The following UGT1A7 variants were observed in gnomAD, a reference collection of about 807,000 sequenced individuals.
The protein encoded by UGT1A7 is UDP-glucuronosyltransferase 1A7.
Under a neutral mutation model 45.6 loss-of-function variants are expected in UGT1A7, and 33 were observed. The observed-to-expected ratio is 0.72, with a 90% CI of 0.55 to 0.97. UGT1A7 has a LOEUF of 0.97. Ranked by LOEUF, UGT1A7 falls within the 50% of genes least tolerant of loss-of-function variation. The probability of loss-of-function intolerance (pLI) is 0.00; values close to 1 mark genes in which losing one functional copy is unlikely to be tolerated. For synonymous variants in UGT1A7, 274 were observed against 250.6 expected (o/e 1.09, Z -0.88); for missense variants, 684 against 666.2 (o/e 1.03, Z -0.29).
chr2:233,682,815 C>T (rs1223109916), intron 1 of UGT1A7, 23 bp downstream of exon 1: 1 of 1,581,258 alleles, frequency 6.3e-7, no homozygotes, highest in Non-Finnish European at 8.6e-7. Flanking sequence ...CCCTTTAGCA[C>T]ATTAAGAATA....
At position 233,772,374 on chromosome 2, in the gene UGT1A7, C is replaced by T. The variant is rs773725816; in HGVS notation, c.1408C>T (p.His470Tyr). Reference protein sequence around the residue: ...EFVMRHKGAPHLRPAAHDLTW... With the variant: ...EFVMRHKGAPYLRPAAHDLTW... ...TGTGATGAGGCACAAGGGCGCGCCA[C>T]ACCTGCGCCCCGCAGCCCACGACCT... is the stretch of plus-strand genomic sequence containing the variant. The change falls in exon 5 of 5, where the codon CAC becomes TAC. Residue 470 changes from histidine (H) to tyrosine (Y), a missense_variant. Transcript: ENST00000373426. 1.2e-6 allele frequency: 2 copies of T among 1,614,266 alleles called. No individual in the cohort carries two copies. Among genetic ancestry groups the T allele is most frequent in the South Asian group, 2.2e-5 (2 of 91,082 alleles).
At chr2:233,724,944 C>G (rs1166254724) in intron 1 of UGT1A7, among the ~76,000 whole-genome samples, 4 of 144,592 alleles carry the variant, frequency 2.8e-5, no homozygotes, top group African/African-American at 1.1e-4. Context: ...CGTCTGCAAT[C>G]CCGGCACCTC....
At chr2:233,745,354 T>C (rs893608490) in intron 1 of UGT1A7, among the ~76,000 whole-genome samples, 4 of 151,848 alleles carry the variant, frequency 2.6e-5, no homozygotes, top group African/African-American at 9.7e-5. Flanking sequence ...TTTGGGGGAA[T>C]TTTTTTGAGA....
At chr2:233,739,922 C>T (rs28900073) in intron 1 of UGT1A7, among the ~76,000 whole-genome samples, 1 of 151,712 alleles carries the variant, frequency 6.6e-6, no homozygotes, top group Non-Finnish European at 1.5e-5. Flanking sequence ...TTTCCATAAT[C>T]CCCATGTGTT....
intron 1 of UGT1A7, among the ~76,000 whole-genome samples, chr2:233,765,730 T>TAATAATAAA (rs1427774434): frequency 6.7e-6 from 1 of 150,190 alleles, no homozygotes; most frequent in Non-Finnish European, 1.5e-5. Context: ...ATAATAATAA[T>TAATAATAAA]AAATAAACCC....
At chr2:233,719,184 T>C in intron 1 of UGT1A7, 1 of 1,614,254 alleles carries the variant, frequency 6.2e-7, no homozygotes, top group Non-Finnish European at 8.5e-7. Flanking sequence ...CAATGTATCT[T>C]TGGCCCTTCA....
intron 1 of UGT1A7, chr2:233,712,849 T>C: frequency 3.9e-6 from 6 of 1,533,168 alleles, no homozygotes; most frequent in Non-Finnish European, 5.3e-6. Flanking sequence ...TAACGGGTAA[T>C]AAGTAACTGG....
chr2:233,682,548 A>G lies in UGT1A7; in HGVS notation c.611A>G (p.Lys204Arg). ...LLGFSDAMTF[K>R]ERVWNHIMHL... ...GGGTTCTCAGACGCCATGACTTTCAAGGAGAGAGTATGGAACCACATCATG... is the reference window on the plus strand; with the variant it reads ...GGGTTCTCAGACGCCATGACTTTCAGGGAGAGAGTATGGAACCACATCATG... The change falls in exon 1 of 5, where the codon AAG (lysine) becomes AGG (arginine). Residue 204 changes from lysine (K) to arginine (R), a missense_variant. Transcript: ENST00000373426. 6.2e-7 allele frequency: 1 copy of G among 1,613,924 alleles called. No individual in the cohort carries two copies.
At chr2:233,715,168 G>A (rs926967380) in intron 1 of UGT1A7, among the ~76,000 whole-genome samples, 5 of 152,054 alleles carry the variant, frequency 3.3e-5, no homozygotes, top group Non-Finnish European at 7.4e-5. Flanking sequence ...TTACAGGCGC[G>A]AGCCACCACA....
intron 1 of UGT1A7, among the ~76,000 whole-genome samples, chr2:233,725,586 A>T (rs1194596370): frequency 6.6e-6 from 1 of 152,166 alleles, no homozygotes; most frequent in Non-Finnish European, 1.5e-5. Flanking sequence ...TTATGACTTA[A>T]CTATTTGACA....
At chr2:233,718,755 C>G (rs372600165) in intron 1 of UGT1A7, 10 of 1,612,204 alleles carry the variant, frequency 6.2e-6, no homozygotes, top group East Asian at 4.5e-5. Flanking sequence ...GTAATTAAGG[C>G]GAAGGAAACA....
chr2:233,686,593 T>G (rs1383954117), intron 1 of UGT1A7, among the ~76,000 whole-genome samples: 1 of 152,128 alleles, frequency 6.6e-6, no homozygotes, highest in East Asian at 1.9e-4. Context: ...ACTGCTGCTT[T>G]CTTTGACTGT....
intron 1 of UGT1A7, among the ~76,000 whole-genome samples, chr2:233,712,803 C>G (rs2076255861): frequency 6.6e-6 from 1 of 152,168 alleles, no homozygotes; most frequent in African/African-American, 2.4e-5. Context: ...TCGGTCTTTC[C>G]CAGGGTGGGG....
At chr2:233,755,761 TG>T (rs1696013090) in intron 1 of UGT1A7, 1 of 152,946 alleles carries the variant, frequency 6.5e-6, no homozygotes, top group South Asian at 2.1e-4. Flanking sequence ...CATTTGCTTT[TG>T]TTCATCTGGA....
chr2:233,757,129 T>C (rs1190338249), intron 1 of UGT1A7, among the ~76,000 whole-genome samples: 1 of 150,874 alleles, frequency 6.6e-6, no homozygotes, highest in Non-Finnish European at 1.5e-5. Context: ...AGAGGAGGAA[T>C]GAGCTTGGAC....
At chr2:233,731,107 A>G (rs1222432137) in intron 1 of UGT1A7, among the ~76,000 whole-genome samples, 2 of 151,962 alleles carry the variant, frequency 1.3e-5, no homozygotes, top group Admixed American at 6.6e-5. Flanking sequence ...CTTTTTTATA[A>G]ATGTAGGTAT....
chr2:233,769,154 T>C lies in UGT1A7; in HGVS notation c.1295+715T>C, dbSNP rs528869254. ...CAGCTTTTTGCAGCACTGGAACCTG[T>C]GAGAAATTTTGTCCATGGAGTTTAT... On this transcript the variant is annotated intron_variant, in intron 4 of 4. Coordinates refer to ENST00000373426, the MANE Select transcript of UGT1A7 (RefSeq NM_019077.3). This position sits in a 1 kb window ranked among gnomAD's most constrained non-coding sequence, Gnocchi z 4.4. Among the ~76,000 whole-genome samples the C allele has an allele frequency of 1.3e-5, 2 of 152,310 alleles. No individual in the cohort carries two copies. Among genetic ancestry groups the C allele is most frequent in the South Asian group, 4.1e-4 (2 of 4,822 alleles).
chr2:233,718,402 G>A (rs3732220), intron 1 of UGT1A7, among the ~76,000 whole-genome samples: 15,446 of 152,230 alleles, frequency 0.1, 905 homozygotes, highest in East Asian at 0.2. Context: ...AGCAAATAGC[G>A]TCACATTCAG....
intron 1 of UGT1A7, chr2:233,755,708 G>A (rs6747843): frequency 0.3 from 46,013 of 153,542 alleles, 7,045 homozygotes; most frequent in South Asian, 0.39. Context: ...AAGACATCCT[G>A]TTGTTTAGGA....
Sources: gnomAD v4.1 joint callset for allele counts (sites outside exome capture counted in the v4.1 genomes callset) on GRCh38, gnomAD v4.1.1 for gene constraint, Gnocchi (gnomAD v3.1) non-coding constraint, MANE v1.5 for transcripts, NCBI Gene and HGNC (gene_info 2026-07-23, HGNC 2026-07-21) for gene names.